SHISA9: variants seen among roughly 807,000 people sequenced by gnomAD.
SHISA9 encodes the protein shisa family member 9, also known as protein shisa-9.
SHISA9 carries 13 observed loss-of-function variants against 38.0 expected under a neutral mutation model. That is an observed-to-expected ratio of 0.34 (90% CI 0.22 to 0.54). The LOEUF (loss-of-function observed/expected upper bound fraction) is 0.54. Among genes scored for constraint, SHISA9 ranks in the 20% least tolerant of loss-of-function variants. The probability of loss-of-function intolerance (pLI) is 0.91; values close to 1 mark genes in which losing one functional copy is unlikely to be tolerated. For missense variants in SHISA9, 538 were observed against 575.8 expected (o/e 0.93, Z 0.67); for synonymous variants, 275 against 242.0 (o/e 1.14, Z -1.27).
chr16:13,138,015 T>C (rs182276470), intron 2 of SHISA9, among the ~76,000 whole-genome samples: 1 of 152,324 alleles, frequency 6.6e-6, no homozygotes, highest in East Asian at 1.9e-4. Context: ...TAAAATAGAT[T>C]TCTGGGCTTT....
the SHISA9 span, among the ~76,000 whole-genome samples, chr16:13,473,157 T>C: frequency 1.3e-5 from 2 of 152,198 alleles, no homozygotes. Flanking sequence ...TGGAAAAGTT[T>C]TATTCTATCA....
At chr16:13,118,983 C>T (rs1424982414) in intron 2 of SHISA9, among the ~76,000 whole-genome samples, 5 of 152,090 alleles carry the variant, frequency 3.3e-5, no homozygotes, top group Non-Finnish European at 5.9e-5. Context: ...CCACTCACCT[C>T]GGCCTCCCAA....
intron 2 of SHISA9, among the ~76,000 whole-genome samples, chr16:12,961,512 G>A (rs1217823719): frequency 1.3e-5 from 2 of 152,152 alleles, no homozygotes; most frequent in African/African-American, 2.4e-5. Context: ...ACAATGGCAC[G>A]CTCTGCAGAT....
the SHISA9 span, among the ~76,000 whole-genome samples, chr16:13,516,724 C>T: frequency 1.3e-5 from 2 of 151,226 alleles, no homozygotes; most frequent in South Asian, 2.1e-4. Flanking sequence ...TGCTTGAACC[C>T]GAGGCAGAGT....
chr16:13,319,037 T>C, the SHISA9 span, among the ~76,000 whole-genome samples: 1 of 152,252 alleles, frequency 6.6e-6, no homozygotes, highest in Non-Finnish European at 1.5e-5. Flanking sequence ...AGAGTCTCAC[T>C]CTGTCGCCTA....
chr16:13,099,918 A>C (rs2073862248), intron 2 of SHISA9, among the ~76,000 whole-genome samples: 1 of 152,160 alleles, frequency 6.6e-6, no homozygotes, highest in Admixed American at 6.5e-5. Context: ...CTCCCTGTTG[A>C]CCTCTGAGCC....
chr16:13,542,543 A>G, the SHISA9 span, among the ~76,000 whole-genome samples: 1 of 152,048 alleles, frequency 6.6e-6, no homozygotes, highest in Non-Finnish European at 1.5e-5. Flanking sequence ...TGTGTTTTCA[A>G]TCAGCGCTGA....
At chr16:13,396,000 G>GC in the SHISA9 span, among the ~76,000 whole-genome samples, 1 of 152,078 alleles carries the variant, frequency 6.6e-6, no homozygotes, top group South Asian at 2.1e-4. Flanking sequence ...TTGAAACACG[G>GC]CCCTGAAATG....
chr16:13,393,507 A>C, the SHISA9 span, among the ~76,000 whole-genome samples: 3 of 152,052 alleles, frequency 2.0e-5, no homozygotes, highest in Non-Finnish European at 4.4e-5. Context: ...CCTTTTTAAT[A>C]CTATTGTTTC....
the SHISA9 span, among the ~76,000 whole-genome samples, chr16:13,499,570 C>T: frequency 2.6e-5 from 4 of 152,134 alleles, no homozygotes; most frequent in Non-Finnish European, 5.9e-5. Flanking sequence ...TTATCTTCTT[C>T]TTAATGCCTT....
intron 2 of SHISA9, among the ~76,000 whole-genome samples, chr16:13,075,125 C>G (rs1487846621): frequency 6.6e-6 from 1 of 152,202 alleles, no homozygotes; most frequent in Non-Finnish European, 1.5e-5. Context: ...TGGGGCCTGG[C>G]TGTGAGATTA....
the SHISA9 span, among the ~76,000 whole-genome samples, chr16:13,253,753 A>G: frequency 6.6e-6 from 1 of 152,236 alleles, no homozygotes; most frequent in Non-Finnish European, 1.5e-5. Context: ...CAGCCAAACC[A>G]TATCAGAAAT....
At chr16:13,223,184 T>G (rs1421521966) in intron 4 of SHISA9, among the ~76,000 whole-genome samples, 1 of 152,094 alleles carries the variant, frequency 6.6e-6, no homozygotes, top group Non-Finnish European at 1.5e-5. Context: ...CCCAGTACTT[T>G]GGGAGGCTGA....
the SHISA9 span, among the ~76,000 whole-genome samples, chr16:13,251,256 G>A: frequency 6.6e-6 from 1 of 151,962 alleles, no homozygotes; most frequent in Non-Finnish European, 1.5e-5. Flanking sequence ...ATATTCCAGG[G>A]GACACTTCAG....
intron 2 of SHISA9, among the ~76,000 whole-genome samples, chr16:13,152,052 CA>C (rs565682373): frequency 6.8e-4 from 104 of 152,270 alleles, no homozygotes; most frequent in Middle Eastern, 6.8e-3. Context: ...AGAAGAAGAT[CA>C]GGGAGGAAAA....
intron 4 of SHISA9, among the ~76,000 whole-genome samples, chr16:13,221,387 A>G (rs75261157): frequency 0.018 from 2,781 of 150,822 alleles, 87 homozygotes; most frequent in African/African-American, 0.065. Flanking sequence ...AGCCTCTGGA[A>G]TCTGCACAAC....
chr16:13,463,181 G>T, the SHISA9 span, among the ~76,000 whole-genome samples: 1 of 152,068 alleles, frequency 6.6e-6, no homozygotes, highest in Non-Finnish European at 1.5e-5. Flanking sequence ...AAAAAACCCT[G>T]CAGTGTAGAA....
chr16:13,447,483 C>A, the SHISA9 span, among the ~76,000 whole-genome samples: 67 of 152,310 alleles, frequency 4.4e-4, no homozygotes, highest in Admixed American at 1.2e-3. Context: ...GCTTACCCAG[C>A]AATGCGGGGC....
the SHISA9 span, among the ~76,000 whole-genome samples, chr16:13,256,061 G>A: frequency 0.014 from 2,192 of 152,130 alleles, 33 homozygotes; most frequent in Middle Eastern, 0.037. Context: ...GGACAGTTAG[G>A]CTATTGGAAG....
Sources: allele counts gnomAD v4.1 joint callset (sites outside exome capture counted in the v4.1 genomes callset), GRCh38; gene constraint gnomAD v4.1.1; transcripts MANE v1.5; gene names NCBI Gene and HGNC (gene_info 2026-07-23, HGNC 2026-07-21).